The following LIPH variants were observed in gnomAD, a reference collection of about 807,000 sequenced individuals.
The protein encoded by LIPH is lipase H, also known as lipase member H.
LIPH carries 32 observed loss-of-function variants against 47.6 expected under a neutral mutation model. The observed-to-expected ratio is 0.67, with a 90% confidence interval of 0.51 to 0.90. The LOEUF is 0.90. Among genes scored for constraint, LIPH ranks in the 40% least tolerant of loss-of-function variants. LIPH has a pLI of 0.00. For synonymous variants in LIPH, 190 were observed against 195.6 expected (o/e 0.97, Z 0.24); for missense variants, 497 against 541.4 (o/e 0.92, Z 0.81).
intron 1 of LIPH, among the ~76,000 whole-genome samples, chr3:185,542,234 T>C (rs552982787): frequency 1.8e-4 from 27 of 152,286 alleles, no homozygotes; most frequent in Non-Finnish European, 3.2e-4. Context: ...GTTTCAGCTC[T>C]CATACTCTAA....
intron 4 of LIPH, among the ~76,000 whole-genome samples, chr3:185,525,065 A>C (rs1720026531): frequency 6.6e-6 from 1 of 151,734 alleles, no homozygotes; most frequent in Non-Finnish European, 1.5e-5. Flanking sequence ...ATATACAAAA[A>C]TTAGCCAGGC....
At position 185,517,115 on chromosome 3, in the gene LIPH, G is replaced by C; in HGVS notation, c.934C>G (p.Pro312Ala). The C allele has an allele frequency of 6.2e-7, 1 of 1,613,152 alleles. No individual in the cohort carries two copies. The highest frequency in any genetic ancestry group is 1.3e-5 in the African/African-American group (1 of 75,034). ...WKDHLRGKDP[P>A]MTKAFFDTAE... ...GTGTCAAAGAATGCCTTCGTCATTG[G>C]AGGATCTTTCCCCCTTAGATGGTCT... The change falls in exon 7 of 10, where the codon CCA becomes GCA. Residue 312 changes from proline to alanine, a missense_variant. Transcript: ENST00000296252.
chr3:185,550,426 G>T (rs923362506), intron 1 of LIPH, among the ~76,000 whole-genome samples: 12 of 152,208 alleles, frequency 7.9e-5, no homozygotes, highest in South Asian at 6.2e-4. Flanking sequence ...GAAAAGGAAG[G>T]TCACAAAAAA....
In LIPH at chr3:185,530,594, C is replaced by T. The variant is rs113325716; in HGVS notation, c.526+2977G>A. 8.4e-3 allele frequency among the ~76,000 whole-genome samples: 1,271 copies of T among 152,006 alleles called. 12 individuals carry two copies. The highest frequency in any genetic ancestry group is 0.028 in the African/African-American group (1,159 of 41,466). ...CTGAGGCACGATAATTGCTTGAATC[C>T]GGGAGGCAGAGATTGCAGTGAGCCA... On this transcript the variant is annotated intron_variant, in intron 3 of 9. Coordinates refer to ENST00000296252, the MANE Select transcript of LIPH (RefSeq NM_139248.3).
At chr3:185,513,086 T>C (rs565786261) in intron 8 of LIPH, among the ~76,000 whole-genome samples, 8 of 152,218 alleles carry the variant, frequency 5.3e-5, no homozygotes, top group African/African-American at 1.7e-4. Context: ...CTCATGCCTA[T>C]AATCCCAGCA....
chr3:185,542,340 G>A (rs897641243), intron 1 of LIPH, among the ~76,000 whole-genome samples: 13 of 150,672 alleles, frequency 8.6e-5, no homozygotes, highest in African/African-American at 2.7e-4. Context: ...TTTTTGAGAC[G>A]GAGTTTTGCT....
chr3:185,521,533 T>C (rs1236059734), intron 5 of LIPH, among the ~76,000 whole-genome samples: 4 of 152,168 alleles, frequency 2.6e-5, no homozygotes. Flanking sequence ...GCAAGAGTCA[T>C]TCAGATTCCT....
chr3:185,517,123 T>A lies in LIPH; in HGVS notation c.926A>T (p.Lys309Ile), dbSNP rs1475340330. 9 of 1,612,462 alleles carry A rather than the reference T, an allele frequency of 5.6e-6. No individual in the cohort carries two copies. Among genetic ancestry groups the A allele is most frequent in the Non-Finnish European group, 7.6e-6 (9 of 1,178,460 alleles). Residue 309 changes from lysine to isoleucine, a missense_variant, in exon 7 of 10, where the codon AAA becomes ATA. Coordinates refer to ENST00000296252, the MANE Select transcript of LIPH (RefSeq NM_139248.3). ...GAATGCCTTCGTCATTGGAGGATCT[T>A]TCCCCCTTAGATGGTCTTTCCAATT... ...ADNWKDHLRG[K>I]DPPMTKAFFD...
intron 1 of LIPH, among the ~76,000 whole-genome samples, chr3:185,551,646 A>G (rs746206933): frequency 1.1e-4 from 16 of 152,136 alleles, no homozygotes; most frequent in Non-Finnish European, 1.8e-4. Context: ...TTTAGAATAA[A>G]TTCCCAGCAA....
chr3:185,527,150 G>A (rs1311557068), intron 4 of LIPH, among the ~76,000 whole-genome samples: 3 of 152,232 alleles, frequency 2.0e-5, no homozygotes, highest in Non-Finnish European at 2.9e-5. Context: ...GAGGCGGGAG[G>A]ATGGCGAGAA....
chr3:185,548,969 TA>T (rs1246849049), intron 1 of LIPH, among the ~76,000 whole-genome samples: 1 of 151,470 alleles, frequency 6.6e-6, no homozygotes, highest in Non-Finnish European at 1.5e-5. Context: ...CCGTCTCTCC[TA>T]AAAATACAAA....
At chr3:185,521,963 G>A (rs1719908397) in intron 5 of LIPH, among the ~76,000 whole-genome samples, 1 of 152,002 alleles carries the variant, frequency 6.6e-6, no homozygotes, top group Non-Finnish European at 1.5e-5. Context: ...TCCCAAAGTT[G>A]TTTTCAAATA....
At chr3:185,524,916 C>T (rs2148953249) in intron 4 of LIPH, among the ~76,000 whole-genome samples, 2 of 152,266 alleles carry the variant, frequency 1.3e-5, no homozygotes, top group East Asian at 3.9e-4. Context: ...ATTGGAACTA[C>T]TTCTAGAAAA....
In LIPH at chr3:185,519,326, G is replaced by C; in HGVS notation, c.719-17C>G. On this transcript the variant is annotated splice_polypyrimidine_tract_variant and intron_variant, in intron 5 of 9. Coordinates refer to ENST00000296252, the MANE Select transcript of LIPH (RefSeq NM_139248.3). ...ACTGAAATCCTTGGTTGTAAAAGAA[G>C]TGATGAAAGAGTAGAGCGGTTGAAG... 1 of 1,590,928 alleles carries C rather than the reference G, an allele frequency of 6.3e-7. No homozygotes were observed. Among genetic ancestry groups the C allele is most frequent in the Non-Finnish European group, 8.6e-7 (1 of 1,159,336 alleles).
At chr3:185,538,275 C>T (rs895961002) in intron 1 of LIPH, among the ~76,000 whole-genome samples, 1 of 152,036 alleles carries the variant, frequency 6.6e-6, no homozygotes, top group African/African-American at 2.4e-5. Context: ...CAATTCATTC[C>T]AAAAGAATCT....
chr3:185,535,184 TCAAG>T (rs199752623), intron 1 of LIPH, 52 bp from the exon 2 acceptor site: 55,330 of 1,601,194 alleles, frequency 0.035, 1,156 homozygotes, highest in Non-Finnish European at 0.041. Context: ...TAGCTGGGCA[TCAAG>T]CAAGAGTGCT....
At chr3:185,529,950 GAAAGAAAGAAAGAAGGAAAGAAAGAA>G (rs1197860413) in intron 3 of LIPH, among the ~76,000 whole-genome samples, 32 of 54,652 alleles carry the variant, frequency 5.9e-4, no homozygotes, top group South Asian at 1.7e-3. Flanking sequence ...AAGAAAGAAA[GAAAGAAAGAAAGAAGGAAAGAAAGAA>G]AGAGAGAGAG....
At chr3:185,511,723 A>C (rs767164967) in intron 8 of LIPH, 26 bp from the exon 9 acceptor site, 2 of 1,559,862 alleles carry the variant, frequency 1.3e-6, no homozygotes, top group Non-Finnish European at 1.8e-6. Context: ...AATACTGAAA[A>C]ATGGATAAAG....
At chr3:185,544,496 A>C (rs1577690402) in intron 1 of LIPH, among the ~76,000 whole-genome samples, 1 of 152,014 alleles carries the variant, frequency 6.6e-6, no homozygotes, top group East Asian at 1.9e-4. Flanking sequence ...CTAGGATTAC[A>C]GGCGCCCACC....
Sources: allele counts gnomAD v4.1 joint callset (sites outside exome capture counted in the v4.1 genomes callset), GRCh38; gene constraint gnomAD v4.1.1; transcripts MANE v1.5; gene names NCBI Gene and HGNC (gene_info 2026-07-23, HGNC 2026-07-21).